RERE: variants seen among roughly 807,000 people sequenced by gnomAD.
RERE encodes the protein arginine-glutamic acid dipeptide repeats protein.
In RERE, 40 loss-of-function variants were observed where a neutral mutation model predicts 146.1. The observed-to-expected ratio is 0.27, with a 90% CI of 0.21 to 0.36. RERE has a LOEUF of 0.36. RERE is among the 10% of genes least tolerant of loss of function. The pLI, the probability that RERE is intolerant of heterozygous loss-of-function variation, is 1.00. For missense variants in RERE, 1,933 were observed against 2,138.7 expected, an observed-to-expected ratio of 0.90 and a Z score of 1.90; for synonymous variants, 1,003 against 866.0, an observed-to-expected ratio of 1.16 and a Z score of -2.78.
At chr1:8,606,233 A>G (rs1646707209) in intron 4 of RERE, among the ~76,000 whole-genome samples, 1 of 152,208 alleles carries the variant, frequency 6.6e-6, no homozygotes, top group African/African-American at 2.4e-5. Flanking sequence ...GGTGACAAAG[A>G]ACATTTTTAA....
intron 4 of RERE, among the ~76,000 whole-genome samples, chr1:8,605,768 A>AAC (rs1646698660): frequency 2.2e-5 from 3 of 136,518 alleles, no homozygotes; most frequent in Admixed American, 7.1e-5. Flanking sequence ...AAAAAAAAAA[A>AAC]AAACCCCTAA....
At chr1:8,558,499 A>C (rs1454251726) in intron 4 of RERE, among the ~76,000 whole-genome samples, 1 of 152,204 alleles carries the variant, frequency 6.6e-6, no homozygotes, top group Non-Finnish European at 1.5e-5. Flanking sequence ...CTACGTTCTC[A>C]TCACAGGCCC....
chr1:8,814,556 A>G (rs1318668371), intron 1 of RERE, among the ~76,000 whole-genome samples: 1 of 152,176 alleles, frequency 6.6e-6, no homozygotes, highest in East Asian at 1.9e-4. Context: ...CAAGGCCACT[A>G]CATTTGCAAA....
intron 8 of RERE, among the ~76,000 whole-genome samples, chr1:8,500,623 G>T (rs959319261): frequency 6.6e-6 from 1 of 150,580 alleles, no homozygotes; most frequent in Non-Finnish European, 1.5e-5. Flanking sequence ...GCCTCTGCCC[G>T]GCCGCCACCC....
At chr1:8,598,578 T>C (rs1646583423) in intron 4 of RERE, among the ~76,000 whole-genome samples, 1 of 152,162 alleles carries the variant, frequency 6.6e-6, no homozygotes, top group Non-Finnish European at 1.5e-5. Flanking sequence ...CAGGGCTGGA[T>C]TCCACACACA....
chr1:8,648,407 T>A (rs1647430332), intron 2 of RERE, among the ~76,000 whole-genome samples: 1 of 152,102 alleles, frequency 6.6e-6, no homozygotes, highest in African/African-American at 2.4e-5. Flanking sequence ...AACTTTTGTA[T>A]TTTGAGTAGA....
intron 7 of RERE, chr1:8,525,686 A>C (rs1043896171): frequency 6.9e-6 from 10 of 1,449,378 alleles, no homozygotes; most frequent in Non-Finnish European, 9.2e-6. Flanking sequence ...AATGATTCAT[A>C]AACACCTTCA....
intron 1 of RERE, among the ~76,000 whole-genome samples, chr1:8,746,608 T>A (rs983642112): frequency 1.3e-5 from 2 of 152,122 alleles, no homozygotes; most frequent in African/African-American, 4.8e-5. Context: ...TGCACCATCA[T>A]AAACTTACAA....
intron 11 of RERE, among the ~76,000 whole-genome samples, chr1:8,442,922 A>G (rs1644268770): frequency 6.6e-6 from 1 of 152,242 alleles, no homozygotes; most frequent in South Asian, 2.1e-4. Flanking sequence ...TGTCCTAGCA[A>G]AAAAGATGGC....
intron 4 of RERE, among the ~76,000 whole-genome samples, chr1:8,575,562 T>TA (rs1491346958): frequency 0.058 from 2,012 of 34,980 alleles, 20 homozygotes; most frequent in African/African-American, 0.12. Context: ...TATATATATA[T>TA]TTTTTTTTTT....
chr1:8,359,669 C>A (rs1299165638), intron 19 of RERE, 95 bp downstream of exon 19: 3 of 1,378,168 alleles, frequency 2.2e-6, no homozygotes, highest in South Asian at 2.5e-5. Flanking sequence ...GAGGCCGAGT[C>A]AGGCAGCCAA....
chr1:8,686,521 G>C (rs940190723), intron 1 of RERE, among the ~76,000 whole-genome samples: 21 of 152,214 alleles, frequency 1.4e-4, no homozygotes, highest in Admixed American at 1.2e-3. Flanking sequence ...AGGCCAAGGC[G>C]GGTGGATCAC....
chr1:8,522,490 G>A (rs1645514924), intron 7 of RERE, among the ~76,000 whole-genome samples: 1 of 152,208 alleles, frequency 6.6e-6, no homozygotes, highest in Non-Finnish European at 1.5e-5. Context: ...GAGAATCACA[G>A]ACATCTGGTC....
At chr1:8,418,530 G>C (rs1233854773) in intron 12 of RERE, among the ~76,000 whole-genome samples, 5 of 152,162 alleles carry the variant, frequency 3.3e-5, no homozygotes, top group Non-Finnish European at 7.3e-5. Flanking sequence ...CCCAGTGCCA[G>C]CTGAATTTGT....
At chr1:8,536,917 T>C (rs2124381621) in intron 7 of RERE, among the ~76,000 whole-genome samples, 1 of 152,274 alleles carries the variant, frequency 6.6e-6, no homozygotes, top group Admixed American at 6.5e-5. Context: ...TTAAGTTTTG[T>C]TCCCGCTGAG....
At chr1:8,629,707 C>T (rs1029750259) in intron 2 of RERE, among the ~76,000 whole-genome samples, 14 of 152,154 alleles carry the variant, frequency 9.2e-5, no homozygotes, top group African/African-American at 3.1e-4. Flanking sequence ...CAAGCAGTGC[C>T]ACACACGCCA....
At chr1:8,602,156 C>T (rs1191614982) in intron 4 of RERE, among the ~76,000 whole-genome samples, 8 of 152,132 alleles carry the variant, frequency 5.3e-5, no homozygotes, top group Admixed American at 3.9e-4. Flanking sequence ...TTTGGGAGGC[C>T]GAAGTGGGTG....
In RERE at chr1:8,570,207, C is replaced by T. The variant is rs1646202644; in HGVS notation, c.523-12684G>A. ...CAAAAATTAGCTGGGCATGGTGGCT[C>T]GTGCCTGTAGTCCCAGCTACTCAGG... On this transcript the variant is annotated intron_variant, in intron 4 of 22. Transcript: ENST00000400908. Among the ~76,000 whole-genome samples, 3 of 151,858 alleles carry T rather than the reference C, an allele frequency of 2.0e-5. No homozygotes were observed. In the South Asian group the frequency reaches 6.3e-4, roughly 32 times the overall value.
chr1:8,468,178 C>T (rs1323334914), intron 10 of RERE, among the ~76,000 whole-genome samples: 2 of 152,140 alleles, frequency 1.3e-5, no homozygotes, highest in African/African-American at 2.4e-5. Flanking sequence ...TAAATATTAA[C>T]TTATTTATTT....
Sources: gnomAD v4.1 joint callset for allele counts (sites outside exome capture counted in the v4.1 genomes callset) on GRCh38, gnomAD v4.1.1 for gene constraint, MANE v1.5 for transcripts, NCBI Gene and HGNC (gene_info 2026-07-23, HGNC 2026-07-21) for gene names.